The following IL16 variants were observed in gnomAD, a reference collection of about 807,000 sequenced individuals.
IL16 encodes interleukin 16.
IL16 carries 67 observed loss-of-function variants against 110.1 expected under a neutral mutation model. That is an observed-to-expected ratio of 0.61 (90% CI 0.50 to 0.75). IL16 has a LOEUF of 0.75. IL16 is among the 30% of genes least tolerant of loss of function. The probability of loss-of-function intolerance (pLI) is 0.00; values close to 1 mark genes in which losing one functional copy is unlikely to be tolerated. For missense variants in IL16, 1,545 were observed against 1,655.0 expected (o/e 0.93, Z 1.15); for synonymous variants, 689 against 662.9 (o/e 1.04, Z -0.61).
chr15:81,185,608 A>G (rs772631133), intron 1 of IL16, among the ~76,000 whole-genome samples: 5 of 152,120 alleles, frequency 3.3e-5, no homozygotes, highest in Admixed American at 6.6e-5. Context: ...ATTTTCAACA[A>G]ATTATTTATT....
At chr15:81,189,588 T>A (rs1895468429) in intron 1 of IL16, among the ~76,000 whole-genome samples, 1 of 152,008 alleles carries the variant, frequency 6.6e-6, no homozygotes, top group Non-Finnish European at 1.5e-5. Context: ...ACCAGTCAAG[T>A]GATTTAATGT....
chr15:81,281,758 T>G (rs574193528), intron 8 of IL16, among the ~76,000 whole-genome samples: 4 of 152,394 alleles, frequency 2.6e-5, no homozygotes, highest in African/African-American at 7.2e-5. Flanking sequence ...ATTTTGATTT[T>G]ATTTGTTAAG....
At chr15:81,287,189 A>G (rs780013907) in intron 10 of IL16, among the ~76,000 whole-genome samples, 2 of 152,198 alleles carry the variant, frequency 1.3e-5, no homozygotes, top group African/African-American at 4.8e-5. Context: ...GGGGTAAGAG[A>G]GGGAGGAACC....
At chr15:81,185,291 A>G (rs1302264037) in intron 1 of IL16, among the ~76,000 whole-genome samples, 1 of 152,086 alleles carries the variant, frequency 6.6e-6, no homozygotes, top group African/African-American at 2.4e-5. Context: ...TTTACTTTTC[A>G]ATATACAAAG....
At chr15:81,196,473 C>T (rs1173956740), upstream of IL16, among the ~76,000 whole-genome samples, 5 of 152,150 alleles carry the variant, frequency 3.3e-5, no homozygotes, top group South Asian at 6.2e-4. Flanking sequence ...TTGAATCCCC[C>T]GGCTCAAGTG....
intron 1 of IL16, among the ~76,000 whole-genome samples, chr15:81,205,597 G>A (rs916967254): frequency 6.6e-5 from 10 of 151,944 alleles, no homozygotes; most frequent in African/African-American, 2.4e-4. Context: ...GAATAATTAA[G>A]GAGCCATAAT....
chr15:81,249,684 T>C (rs1422539627), intron 2 of IL16, among the ~76,000 whole-genome samples: 1 of 152,182 alleles, frequency 6.6e-6, no homozygotes, highest in African/African-American at 2.4e-5. Flanking sequence ...TAATTTATCT[T>C]ATTTGGGATT....
intron 5 of IL16, among the ~76,000 whole-genome samples, chr15:81,272,367 A>C (rs569690864): frequency 1.2e-4 from 18 of 152,172 alleles, no homozygotes; most frequent in African/African-American, 4.3e-4. Flanking sequence ...GACCTCACTC[A>C]ACCTTTCCCG....
rs1305847216 is a variant in IL16 at position 81,225,712 on chromosome 15, G to T, written c.312+1G>T. 2 of 1,597,202 alleles carry T rather than the reference G, an allele frequency of 1.3e-6. No individual in the cohort carries two copies. Among genetic ancestry groups the T allele is most frequent in the Non-Finnish European group, 8.6e-7 (1 of 1,168,038 alleles). On this transcript the variant is annotated splice_donor_variant, in intron 2 of 18. Transcript: ENST00000683961. LOFTEE classifies it high-confidence loss of function. ...CTGTAGGAGGATATTCTTCATGAAG[G>T]TATGCCCAGGCTTTGCAGGCCTGAA...
chr15:81,253,024 T>A (rs899585697), intron 2 of IL16, among the ~76,000 whole-genome samples: 2 of 152,218 alleles, frequency 1.3e-5, no homozygotes, highest in Non-Finnish European at 2.9e-5. Context: ...ATGGTAACTC[T>A]ATACTTAACT....
intron 1 of IL16, among the ~76,000 whole-genome samples, chr15:81,218,653 C>T (rs866486984): frequency 6.6e-6 from 1 of 152,156 alleles, no homozygotes; most frequent in African/African-American, 2.4e-5. Flanking sequence ...ATATCATCCC[C>T]CAGCACCTTG....
At chr15:81,251,747 C>T (rs1361127633) in intron 2 of IL16, among the ~76,000 whole-genome samples, 1 of 152,138 alleles carries the variant, frequency 6.6e-6, no homozygotes, top group African/African-American at 2.4e-5. Flanking sequence ...TCAAAAATCC[C>T]ACTGGAACTA....
chr15:81,259,703 A>AT (rs1219475473), intron 2 of IL16, 69 bp from the exon 3 acceptor site: 1 of 1,010,950 alleles, frequency 9.9e-7, no homozygotes, highest in East Asian at 2.4e-5. Context: ...CAGTGTCAAA[A>AT]TCCAATTTTG....
At chr15:81,258,530 G>A (rs755017294) in intron 2 of IL16, among the ~76,000 whole-genome samples, 15 of 152,070 alleles carry the variant, frequency 9.9e-5, no homozygotes, top group South Asian at 2.1e-4. Context: ...ATGAAACTCC[G>A]TCTCTACAAA....
chr15:81,240,117 A>T (rs1046209395), intron 2 of IL16, among the ~76,000 whole-genome samples: 4 of 152,034 alleles, frequency 2.6e-5, no homozygotes, highest in African/African-American at 9.7e-5. Flanking sequence ...TCTTTGGTAA[A>T]TTTGTTTATG....
chr15:81,296,360 A>C (rs557620556), intron 12 of IL16, among the ~76,000 whole-genome samples: 1 of 152,348 alleles, frequency 6.6e-6, no homozygotes, highest in East Asian at 1.9e-4. Context: ...ACAATTCTGC[A>C]ACAGATTGAG....
At chr15:81,284,537 G>T in intron 9 of IL16, among the ~76,000 whole-genome samples, 1 of 152,228 alleles carries the variant, frequency 6.6e-6, no homozygotes, top group East Asian at 1.9e-4. Flanking sequence ...TGTTCTGGAA[G>T]CTTCTGCTTT....
intron 10 of IL16, among the ~76,000 whole-genome samples, chr15:81,286,449 T>C (rs941066336): frequency 6.6e-6 from 1 of 151,840 alleles, no homozygotes. Context: ...GAGGAGTGGG[T>C]TCTGTGGGGC....
chr15:81,263,383 A>G, intron 3 of IL16, among the ~76,000 whole-genome samples: 1 of 142,858 alleles, frequency 7.0e-6, no homozygotes, highest in East Asian at 2.0e-4. Context: ...ATTGGGTTGT[A>G]ATAACCAGCT....
Sources: allele counts gnomAD v4.1 joint callset (sites outside exome capture counted in the v4.1 genomes callset), GRCh38; gene constraint gnomAD v4.1.1; transcripts MANE v1.5; gene names NCBI Gene and HGNC (gene_info 2026-07-23, HGNC 2026-07-21).